The following PRKG1 variants were observed in gnomAD, a reference collection of about 807,000 sequenced individuals.
PRKG1 encodes the protein protein kinase cGMP-dependent 1, also known as cGMP-dependent protein kinase 1.
In PRKG1, 35 loss-of-function variants were observed where a neutral mutation model predicts 88.1. The observed-to-expected ratio is 0.40, with a 90% confidence interval of 0.30 to 0.53. The LOEUF is 0.53. Ranked by LOEUF, PRKG1 falls within the 20% of genes least tolerant of loss-of-function variation. PRKG1 has a pLI of 0.59. For missense variants in PRKG1, 540 were observed against 839.8 expected (o/e 0.64, Z 4.41); for synonymous variants, 303 against 292.5 (o/e 1.04, Z -0.37).
At chr10:51,891,650 A>G (rs76477339) in intron 4 of PRKG1, among the ~76,000 whole-genome samples, 8,491 of 152,278 alleles carry the variant, frequency 0.056, 292 homozygotes, top group Middle Eastern at 0.1. Context: ...TGCGGTTGGA[A>G]AACTTTCCCG....
At chr10:51,313,870 C>T (rs916244143) in intron 2 of PRKG1, among the ~76,000 whole-genome samples, 8 of 152,172 alleles carry the variant, frequency 5.3e-5, no homozygotes, top group Non-Finnish European at 7.4e-5. Context: ...ACTTGGCACA[C>T]GGCAAATTCA....
intron 9 of PRKG1, among the ~76,000 whole-genome samples, chr10:52,204,108 T>TA (rs773688443): frequency 2.7e-5 from 4 of 149,176 alleles, no homozygotes; most frequent in African/African-American, 7.5e-5. Context: ...TTATTATTAT[T>TA]TTTTGTTTTT....
intron 3 of PRKG1, among the ~76,000 whole-genome samples, chr10:51,609,597 A>G (rs1838851873): frequency 6.6e-6 from 1 of 152,202 alleles, no homozygotes; most frequent in African/African-American, 2.4e-5. Context: ...CCAAATACCT[A>G]TCAACAACAG....
chr10:51,194,729 A>C (rs1221484639), intron 2 of PRKG1, among the ~76,000 whole-genome samples: 1 of 152,134 alleles, frequency 6.6e-6, no homozygotes, highest in Non-Finnish European at 1.5e-5. Context: ...ATAAACATAA[A>C]TTTATTGACT....
chr10:52,067,370 G>C (rs1365047026), intron 7 of PRKG1, among the ~76,000 whole-genome samples: 3 of 152,156 alleles, frequency 2.0e-5, no homozygotes, highest in Non-Finnish European at 4.4e-5. Context: ...TCTGGTTGGA[G>C]ATTGAGTGAA....
At chr10:52,210,116 C>G (rs1839928508) in intron 9 of PRKG1, among the ~76,000 whole-genome samples, 1 of 151,924 alleles carries the variant, frequency 6.6e-6, no homozygotes, top group African/African-American at 2.4e-5. Flanking sequence ...TTCTGCAATC[C>G]CTATTTGATG....
chr10:51,799,267 C>G (rs1322072014), intron 3 of PRKG1, among the ~76,000 whole-genome samples: 1 of 152,036 alleles, frequency 6.6e-6, no homozygotes, highest in East Asian at 1.9e-4. Context: ...TCATTGGCCT[C>G]AGTATCAAGT....
chr10:51,395,415 T>C (rs1837549281), intron 2 of PRKG1, among the ~76,000 whole-genome samples: 1 of 152,226 alleles, frequency 6.6e-6, no homozygotes, highest in African/African-American at 2.4e-5. Flanking sequence ...AGATCACTGC[T>C]TAACCTATGT....
intron 3 of PRKG1, among the ~76,000 whole-genome samples, chr10:51,481,559 G>A (rs1483903882): frequency 1.3e-5 from 2 of 152,104 alleles, no homozygotes; most frequent in East Asian, 3.9e-4. Context: ...AGACTCTTTG[G>A]TTCAATAGAA....
intron 4 of PRKG1, among the ~76,000 whole-genome samples, chr10:51,811,510 G>A (rs990187350): frequency 5.3e-5 from 8 of 152,100 alleles, no homozygotes; most frequent in Non-Finnish European, 1.0e-4. Flanking sequence ...ATAAAGTTGT[G>A]AGGAGTGTGA....
intron 9 of PRKG1, among the ~76,000 whole-genome samples, chr10:52,245,011 T>G (rs1247227111): frequency 6.7e-6 from 1 of 148,340 alleles, no homozygotes; most frequent in Non-Finnish European, 1.5e-5. Context: ...ATAAAAAAAT[T>G]TAAAAGAATA....
At chr10:51,860,737 C>T (rs945827358) in intron 4 of PRKG1, among the ~76,000 whole-genome samples, 20 of 152,080 alleles carry the variant, frequency 1.3e-4, no homozygotes, top group African/African-American at 4.8e-4. Flanking sequence ...CTTTGTTGAA[C>T]TTGGCAAAAA....
chr10:51,165,418 C>A (rs1452258718), intron 2 of PRKG1, among the ~76,000 whole-genome samples: 2 of 152,044 alleles, frequency 1.3e-5, no homozygotes. Flanking sequence ...TGGAAAGGAA[C>A]AACCGGTACC....
At chr10:51,551,146 A>G (rs573397255) in intron 3 of PRKG1, among the ~76,000 whole-genome samples, 2 of 151,862 alleles carry the variant, frequency 1.3e-5, no homozygotes, top group Non-Finnish European at 2.9e-5. Context: ...TACTCACATA[A>G]TGGGTATTTA....
chr10:51,940,004 C>T (rs1331143537), intron 5 of PRKG1, among the ~76,000 whole-genome samples: 1 of 151,780 alleles, frequency 6.6e-6, no homozygotes, highest in Non-Finnish European at 1.5e-5. Context: ...TTCATACTGC[C>T]TTTGAATTAA....
At chr10:51,544,422 A>G (rs1842396378) in intron 3 of PRKG1, among the ~76,000 whole-genome samples, 2 of 152,058 alleles carry the variant, frequency 1.3e-5, no homozygotes, top group African/African-American at 2.4e-5. Context: ...TCCATGGTGT[A>G]TATGTGCCAC....
intron 1 of PRKG1, among the ~76,000 whole-genome samples, chr10:51,059,532 G>T (rs1442012978): frequency 6.6e-6 from 1 of 152,022 alleles, no homozygotes; most frequent in Non-Finnish European, 1.5e-5. Flanking sequence ...AAAGTACTGA[G>T]ATTATGCGCA....
chr10:51,213,292 A>G (rs995205911), intron 2 of PRKG1, among the ~76,000 whole-genome samples: 10 of 152,076 alleles, frequency 6.6e-5, no homozygotes, highest in Non-Finnish European at 1.3e-4. Flanking sequence ...CAGGAAGGGG[A>G]ACATCACACA....
chr10:51,610,707 A>G (rs966324652), intron 3 of PRKG1, among the ~76,000 whole-genome samples: 1 of 152,188 alleles, frequency 6.6e-6, no homozygotes. Context: ...AAAGGACACT[A>G]TGCCATAAAA....
Sources: gnomAD v4.1 joint callset for allele counts (sites outside exome capture counted in the v4.1 genomes callset) on GRCh38, gnomAD v4.1.1 for gene constraint, MANE v1.5 for transcripts, NCBI Gene and HGNC (gene_info 2026-07-23, HGNC 2026-07-21) for gene names.